COL25A1: variants seen among roughly 807,000 people sequenced by gnomAD.
COL25A1 encodes the protein collagen type XXV alpha 1 chain.
In COL25A1, 103 loss-of-function variants were observed where a neutral mutation model predicts 128.4. That is an observed-to-expected ratio of 0.80 (90% CI 0.68 to 0.94). The LOEUF (loss-of-function observed/expected upper bound fraction) is 0.94. Among genes scored for constraint, COL25A1 ranks in the 40% least tolerant of loss-of-function variants. COL25A1 has a pLI of 0.00. For synonymous variants in COL25A1, 279 were observed against 277.2 expected, an observed-to-expected ratio of 1.01 and a Z score of -0.06; for missense variants, 745 against 840.0, an observed-to-expected ratio of 0.89 and a Z score of 1.40.
intron 3 of COL25A1, among the ~76,000 whole-genome samples, chr4:109,194,885 C>T (rs1429720781): frequency 1.3e-5 from 2 of 152,088 alleles, no homozygotes; most frequent in African/African-American, 2.4e-5. Flanking sequence ...GACACCCTCC[C>T]ATCAAAACAT....
Position 109,231,954 on chromosome 4 carries a change from T to C in COL25A1, c.367+68629A>G, listed in dbSNP as rs17040119. On this transcript the variant is annotated intron_variant, in intron 3 of 37. Coordinates refer to ENST00000399132, the MANE Select transcript of COL25A1 (RefSeq NM_198721.4). ...ATATCTAACATAGAACTTAGTTATA[T>C]ACAATTACTCAACATACGATAGTTC... Among the ~76,000 whole-genome samples, 1,272 of 152,296 alleles carry C rather than the reference T, an allele frequency of 8.4e-3. 8 individuals are homozygous for C. Among genetic ancestry groups the C allele is most frequent in the Middle Eastern group, 0.02 (6 of 294 alleles).
intron 27 of COL25A1, 142 bp downstream of exon 27, chr4:108,848,617 G>A: frequency 1.7e-6 from 1 of 601,742 alleles, no homozygotes; most frequent in Non-Finnish European, 2.9e-6. Flanking sequence ...GCTTTTTAGA[G>A]TCAATGAAGT....
intron 3 of COL25A1, among the ~76,000 whole-genome samples, chr4:109,279,755 C>T (rs1342553388): frequency 6.6e-6 from 1 of 152,178 alleles, no homozygotes; most frequent in Admixed American, 6.5e-5. Context: ...TGTTAATGAG[C>T]CATATCCACA....
chr4:108,856,707 A>G (rs1736549220), intron 24 of COL25A1, among the ~76,000 whole-genome samples: 1 of 152,172 alleles, frequency 6.6e-6, no homozygotes, highest in Admixed American at 6.6e-5. Flanking sequence ...GAACTAGTTG[A>G]CTATGATGGA....
intron 3 of COL25A1, among the ~76,000 whole-genome samples, chr4:109,063,863 G>C (rs1249386102): frequency 6.6e-6 from 1 of 152,206 alleles, no homozygotes; most frequent in South Asian, 2.1e-4. Flanking sequence ...AATATAGATA[G>C]AGTAGTAAGA....
intron 3 of COL25A1, among the ~76,000 whole-genome samples, chr4:109,110,056 T>C (rs1766853457): frequency 1.3e-5 from 2 of 152,222 alleles, no homozygotes; most frequent in African/African-American, 2.4e-5. Context: ...CATGCCTCTA[T>C]ATTCAGAACC....
intron 16 of COL25A1, among the ~76,000 whole-genome samples, chr4:108,893,080 G>T (rs1741705595): frequency 6.6e-6 from 1 of 152,122 alleles, no homozygotes. Context: ...TTCTGAAAAG[G>T]CTCAGAGGAT....
intron 19 of COL25A1, 79 bp downstream of exon 19, chr4:108,884,099 T>G: frequency 1.4e-6 from 2 of 1,395,870 alleles, no homozygotes; most frequent in Non-Finnish European, 2.0e-6. Context: ...TAGTTTCCAT[T>G]TTTCCCTATT....
At chr4:108,883,778 T>A (rs1374907531) in intron 19 of COL25A1, among the ~76,000 whole-genome samples, 2 of 152,134 alleles carry the variant, frequency 1.3e-5, no homozygotes, top group Non-Finnish European at 2.9e-5. Flanking sequence ...AATGAGTGAA[T>A]CACAAAAACA....
At chr4:109,024,695 A>G (rs1000721598) in intron 5 of COL25A1, among the ~76,000 whole-genome samples, 1 of 152,310 alleles carries the variant, frequency 6.6e-6, no homozygotes, top group East Asian at 1.9e-4. Context: ...GAAAACTTTT[A>G]AACCCTTAAT....
At chr4:109,118,402 T>C (rs1767803606) in intron 3 of COL25A1, among the ~76,000 whole-genome samples, 1 of 151,904 alleles carries the variant, frequency 6.6e-6, no homozygotes, top group Non-Finnish European at 1.5e-5. Context: ...GATGGGTATG[T>C]TAATTACCCT....
chr4:109,025,210 C>T (rs1224655108), intron 5 of COL25A1, among the ~76,000 whole-genome samples: 1 of 152,172 alleles, frequency 6.6e-6, no homozygotes, highest in African/African-American at 2.4e-5. Flanking sequence ...ATCAGTTTTA[C>T]AGACATGTTT....
At chr4:108,977,063 C>G (rs1052894066) in intron 6 of COL25A1, among the ~76,000 whole-genome samples, 2 of 152,150 alleles carry the variant, frequency 1.3e-5, no homozygotes, top group African/African-American at 4.8e-5. Flanking sequence ...GGTTTTGACA[C>G]AAAGTATTGG....
intron 18 of COL25A1, among the ~76,000 whole-genome samples, chr4:108,886,378 C>T (rs1050447858): frequency 7.9e-5 from 12 of 151,710 alleles, no homozygotes; most frequent in African/African-American, 2.7e-4. Context: ...CCACATGCAG[C>T]CCAGGATGGC....
chr4:109,080,991 T>C (rs745519957), intron 3 of COL25A1, among the ~76,000 whole-genome samples: 1 of 152,154 alleles, frequency 6.6e-6, no homozygotes, highest in Non-Finnish European at 1.5e-5. Flanking sequence ...ATTGAACAGG[T>C]AACAAAAAGT....
chr4:108,997,130 G>A (rs1397773034), intron 6 of COL25A1, among the ~76,000 whole-genome samples: 1 of 152,144 alleles, frequency 6.6e-6, no homozygotes, highest in Non-Finnish European at 1.5e-5. Flanking sequence ...TAAGATCAGA[G>A]CAGAACTGAA....
rs375553080 is a variant in COL25A1 at position 109,050,111 on chromosome 4, A to T, written c.412+24T>A. 26 of 1,602,080 alleles carry T rather than the reference A, an allele frequency of 1.6e-5. No homozygotes were observed. The East Asian group carries it at 3.4e-4, about 21-fold the overall frequency. Reference sequence around the variant, plus strand: ...AACTTAACCAGAACATGAGTGACACAGAGCAGCTGAAAGAGAGACTTACCA... The same window carrying T: ...AACTTAACCAGAACATGAGTGACACTGAGCAGCTGAAAGAGAGACTTACCA... On this transcript the variant is annotated intron_variant, in intron 4 of 37. Coordinates refer to ENST00000399132, the MANE Select transcript of COL25A1 (RefSeq NM_198721.4).
At chr4:108,987,358 A>G (rs1442275574) in intron 6 of COL25A1, among the ~76,000 whole-genome samples, 1 of 146,770 alleles carries the variant, frequency 6.8e-6, no homozygotes, top group Non-Finnish European at 1.5e-5. Flanking sequence ...TAGTTACAGC[A>G]TACCTTTCTT....
At chr4:109,009,349 A>C (rs1353598197) in intron 6 of COL25A1, among the ~76,000 whole-genome samples, 2 of 152,244 alleles carry the variant, frequency 1.3e-5, no homozygotes, top group Non-Finnish European at 2.9e-5. Flanking sequence ...ATATAAGTTA[A>C]TTAAAAGTCA....
Sources: allele counts gnomAD v4.1 joint callset (sites outside exome capture counted in the v4.1 genomes callset), GRCh38; gene constraint gnomAD v4.1.1; transcripts MANE v1.5; gene names NCBI Gene and HGNC (gene_info 2026-07-23, HGNC 2026-07-21).